The following NTN1 variants were observed in gnomAD, a reference collection of about 807,000 sequenced individuals.
NTN1 encodes the protein netrin-1.
Under a neutral mutation model 54.2 loss-of-function variants are expected in NTN1, and 11 were observed. The observed-to-expected ratio is 0.20, with a 90% confidence interval of 0.13 to 0.34. The LOEUF is 0.34. Ranked by LOEUF, NTN1 falls within the 10% of genes least tolerant of loss-of-function variation. NTN1 has a pLI of 1.00. For missense variants in NTN1, 740 were observed against 893.1 expected, an observed-to-expected ratio of 0.83 and a Z score of 2.18; for synonymous variants, 371 against 382.0, an observed-to-expected ratio of 0.97 and a Z score of 0.33.
chr17:9,143,174 G>A (rs942844017), intron 2 of NTN1, among the ~76,000 whole-genome samples: 1 of 152,200 alleles, frequency 6.6e-6, no homozygotes, highest in Non-Finnish European at 1.5e-5. Flanking sequence ...TGTCTGGACG[G>A]GAGTAGAGGA....
At chr17:9,180,200 C>T (rs865888873) in intron 4 of NTN1, among the ~76,000 whole-genome samples, 12 of 152,338 alleles carry the variant, frequency 7.9e-5, no homozygotes, top group South Asian at 2.1e-4. Context: ...CTTCATGCCC[C>T]GCTGATTTTT....
intron 2 of NTN1, among the ~76,000 whole-genome samples, chr17:9,144,057 G>A (rs908794694): frequency 1.3e-5 from 2 of 151,952 alleles, no homozygotes; most frequent in South Asian, 2.1e-4. Context: ...CACCATGTCC[G>A]GCTAATTATT....
Position 9,241,474 on chromosome 17 carries a change from T to G in NTN1, c.*1506T>G, listed in dbSNP as rs906387017. The G allele has an allele frequency of 6.5e-6, 1 of 153,208 alleles. No individual in the cohort carries two copies. The highest frequency in any genetic ancestry group is 1.5e-5 in the Non-Finnish European group (1 of 68,744). 9.5% of individuals were successfully genotyped at this position (153,208 alleles called of 1,614,324 possible). ...TGGCTCCCTGCCTTCCTGGGCTCTC[T>G]GCACTGCCCGGGCCTCTGGCCCACA... is the stretch of plus-strand genomic sequence containing the variant. On this transcript the variant is annotated 3_prime_UTR_variant, in exon 7 of 7. Transcript: ENST00000173229.
At position 9,169,830 on chromosome 17, in the gene NTN1, A is replaced by C. The variant is rs1403331667; in HGVS notation, c.1207+6829A>C. ...CAGTGAGCCGAGATCGCACCATTGC[A>C]CTCCAGCCTGGGTGACAGGGCGAGA... is the stretch of plus-strand genomic sequence containing the variant. On this transcript the variant is annotated intron_variant, in intron 3 of 6. Transcript: ENST00000173229. Among the ~76,000 whole-genome samples the C allele has an allele frequency of 3.9e-5, 6 of 152,168 alleles. No individual in the cohort carries two copies. In the East Asian group the frequency reaches 1.2e-3, roughly 29 times the overall value.
chr17:9,237,475 A>G (rs753112281), intron 6 of NTN1, among the ~76,000 whole-genome samples: 29 of 152,212 alleles, frequency 1.9e-4, no homozygotes, highest in Non-Finnish European at 3.5e-4. Flanking sequence ...GTAAGGTTTC[A>G]ACAGAGGAAT....
At position 9,242,423 on chromosome 17, in the gene NTN1, A is replaced by T. The variant is rs1191684627; in HGVS notation, c.*2455A>T. 6.6e-6 allele frequency: 1 copy of T among 152,308 alleles called. No homozygotes were observed. Among genetic ancestry groups the T allele is most frequent in the East Asian group, 1.9e-4 (1 of 5,190 alleles). 9.4% of individuals were successfully genotyped at this position (152,308 alleles called of 1,614,324 possible). A position where few individuals can be genotyped will look rare whatever the true frequency, so the allele number is the denominator to read the frequency against. ...CGGTTGTCCTATTTCTGTCTATGCC[A>T]GTGTGGTTTCTTCACCCTGCCCAGA... On this transcript the variant is annotated 3_prime_UTR_variant, in exon 7 of 7. Coordinates refer to ENST00000173229, the MANE Select transcript of NTN1 (RefSeq NM_004822.3).
chr17:9,101,964 C>A (rs1258031234), intron 2 of NTN1, among the ~76,000 whole-genome samples: 1 of 152,208 alleles, frequency 6.6e-6, no homozygotes, highest in Non-Finnish European at 1.5e-5. Context: ...TCACTGCACG[C>A]CAGCCTGGGC....
intron 6 of NTN1, among the ~76,000 whole-genome samples, chr17:9,230,862 T>G (rs1905786767): frequency 6.6e-6 from 1 of 152,002 alleles, no homozygotes; most frequent in African/African-American, 2.4e-5. Context: ...CTGAGCATCC[T>G]GTTTTTAGGA....
At chr17:9,096,021 G>A (rs959764784) in intron 2 of NTN1, among the ~76,000 whole-genome samples, 3 of 151,916 alleles carry the variant, frequency 2.0e-5, no homozygotes, top group Non-Finnish European at 4.4e-5. Flanking sequence ...GGTCTTGAAC[G>A]CCTGACCTCA....
chr17:9,162,199 G>C lies in NTN1; in HGVS notation c.1019-614G>C, dbSNP rs1412043242. ...AGGCCCCAGAGTCCTCGGTGGACGAGGGGGAGGGGGAGAAGGGGAGGCCAG... is the reference window on the plus strand; with the variant it reads ...AGGCCCCAGAGTCCTCGGTGGACGACGGGGAGGGGGAGAAGGGGAGGCCAG... On this transcript the variant is annotated intron_variant, in intron 2 of 6. Transcript: ENST00000173229. 3.3e-5 allele frequency among the ~76,000 whole-genome samples: 5 copies of C among 152,198 alleles called. No homozygotes were observed. In the East Asian group the frequency reaches 5.8e-4, roughly 18 times the overall value.
Position 9,038,242 on chromosome 17 carries a change from T to A in NTN1, c.1018+14851T>A, listed in dbSNP as rs189258515. Among the ~76,000 whole-genome samples the A allele has an allele frequency of 7.3e-5, 4 of 55,108 alleles. No individual in the cohort carries two copies. In the East Asian group the frequency reaches 2.0e-3, roughly 28 times the overall value. 36.2% of individuals were successfully genotyped at this position (55,108 alleles called of 152,430 possible). The stretch of plus-strand genomic sequence containing the variant: ...CTCTGTGTCTCTCTCTCTTTCTCTG[T>A]CTTCTCCTCTCTTTCTCTCTCTCCA... On this transcript the variant is annotated intron_variant, in intron 2 of 6. Coordinates refer to ENST00000173229, the MANE Select transcript of NTN1 (RefSeq NM_004822.3).
chr17:9,085,771 G>A lies in NTN1; in HGVS notation c.1018+62380G>A, dbSNP rs77104755. On this transcript the variant is annotated intron_variant, in intron 2 of 6. Transcript: ENST00000173229. ...GGCCGTTTTCATTCAGCCAATCAGC[G>A]AATAGGTTTTGAGCACCTGCTATGT... 6.6e-3 allele frequency among the ~76,000 whole-genome samples: 1,008 copies of A among 152,260 alleles called. 12 individuals are homozygous for A. Among genetic ancestry groups the A allele is most frequent in the African/African-American group, 0.023 (968 of 41,544 alleles).
intron 5 of NTN1, among the ~76,000 whole-genome samples, chr17:9,193,925 A>AAAAAAAAAAAAAAAAAAAAC (rs1904542439): frequency 2.3e-5 from 3 of 132,498 alleles, no homozygotes; most frequent in African/African-American, 8.8e-5. Flanking sequence ...CCGACTAAAA[A>AAAAAAAAAAAAAAAAAAAAC]AAAAAAAAAA....
rs564169860 is a variant in NTN1 at position 9,211,691 on chromosome 17, C to T, written c.1412-9477C>T. Among the ~76,000 whole-genome samples, 5 of 152,198 alleles carry T rather than the reference C, an allele frequency of 3.3e-5. No homozygotes were observed. In the South Asian group the frequency reaches 8.3e-4, roughly 25 times the overall value. ...ATTTTAATCTGTGCCCCAGCCATAT[C>T]GTGTGAGTGTGTGTATGCTTGCCTT... On this transcript the variant is annotated intron_variant, in intron 5 of 6. Transcript: ENST00000173229. The surrounding 1 kb of genome is among the most constrained non-coding windows in gnomAD (Gnocchi z 4.4).
intron 6 of NTN1, among the ~76,000 whole-genome samples, chr17:9,226,196 C>G (rs2142362438): frequency 6.6e-6 from 1 of 151,206 alleles, no homozygotes; most frequent in South Asian, 2.1e-4. Flanking sequence ...CCCTGCCATG[C>G]CACTCATATC....
chr17:9,085,936 A>G (rs568348690), intron 2 of NTN1, among the ~76,000 whole-genome samples: 2 of 152,136 alleles, frequency 1.3e-5, no homozygotes, highest in Non-Finnish European at 2.9e-5. Context: ...CCTGGCTCTC[A>G]CTGCTACTAC....
chr17:9,163,038 C>T, intron 3 of NTN1, 37 bp downstream of exon 3: 1 of 1,549,508 alleles, frequency 6.5e-7, no homozygotes, highest in Non-Finnish European at 8.8e-7. Context: ...GCTGGGGAGA[C>T]CCGGGGAACA....
At chr17:9,088,633 G>A (rs551414787) in intron 2 of NTN1, among the ~76,000 whole-genome samples, 11 of 152,232 alleles carry the variant, frequency 7.2e-5, no homozygotes, top group Middle Eastern at 3.4e-3. Flanking sequence ...GGGCAGACCC[G>A]GAAGCCTGGA....
intron 3 of NTN1, among the ~76,000 whole-genome samples, chr17:9,167,352 A>T (rs1269770509): frequency 6.6e-6 from 1 of 152,196 alleles, no homozygotes; most frequent in Non-Finnish European, 1.5e-5. Context: ...GTTGCTATTT[A>T]ACCATTTCGG....
Sources: allele counts gnomAD v4.1 joint callset (sites outside exome capture counted in the v4.1 genomes callset), GRCh38; gene constraint gnomAD v4.1.1; non-coding constraint Gnocchi (gnomAD v3.1); transcripts MANE v1.5; gene names NCBI Gene and HGNC (gene_info 2026-07-23, HGNC 2026-07-21).